Variants in CACNA1C observed in about 807,000 individuals in gnomAD.
CACNA1C encodes the protein calcium voltage-gated channel subunit alpha1 C.
In CACNA1C, 30 loss-of-function variants were observed where a neutral mutation model predicts 229.0. The ratio of observed to expected loss-of-function variants is 0.13; its 90% CI spans 0.10 to 0.18. The LOEUF is 0.18. Ranked by LOEUF, CACNA1C falls within the 10% of genes least tolerant of loss-of-function variation. The pLI is 1.00. For missense variants in CACNA1C, 1,658 were observed against 2,845.0 expected (o/e 0.58, Z 9.49); for synonymous variants, 1,114 against 1,132.5 (o/e 0.98, Z 0.33).
chr12:2,573,723 A>G (rs1257436419), intron 13 of CACNA1C, among the ~76,000 whole-genome samples: 1 of 152,228 alleles, frequency 6.6e-6, no homozygotes. Flanking sequence ...CAAATAATTT[A>G]TTACTGAGAG....
At chr12:2,559,111 A>G (rs1165793163) in intron 11 of CACNA1C, among the ~76,000 whole-genome samples, 1 of 152,242 alleles carries the variant, frequency 6.6e-6, no homozygotes, top group Non-Finnish European at 1.5e-5. Context: ...CTTGACACAG[A>G]TTCAAACAAA....
At chr12:1,972,568 A>G (rs1457349638) in intron 1 of CACNA1C, among the ~76,000 whole-genome samples, 2 of 152,210 alleles carry the variant, frequency 1.3e-5, no homozygotes, top group African/African-American at 4.8e-5. Flanking sequence ...TATTTCACCA[A>G]TGAGGAATCT....
At chr12:2,489,087 G>A (rs2099707849) in intron 6 of CACNA1C, among the ~76,000 whole-genome samples, 1 of 152,014 alleles carries the variant, frequency 6.6e-6, no homozygotes, top group African/African-American at 2.4e-5. Flanking sequence ...CTTTGGAATG[G>A]GTGGTTTAAT....
chr12:2,433,628 G>A (rs2099107752), intron 3 of CACNA1C, among the ~76,000 whole-genome samples: 1 of 152,092 alleles, frequency 6.6e-6, no homozygotes. Flanking sequence ...TGGAGGAGAT[G>A]TGCTCTAACT....
rs2032151901 is a variant in CACNA1C at position 1,971,336 on chromosome 12, C to T, written c.139+135C>T. 2.3e-6 allele frequency: 1 copy of T among 437,376 alleles called. No homozygotes were observed. The allele number at this position is 437,376 out of a possible 1,614,324, so 27.1% of individuals were successfully genotyped here. ...CCATATTTAATCAGGATTTACCACACACCGTTGTAAAATTTTGCCTGTAAC... is the reference window on the plus strand; with the variant it reads ...CCATATTTAATCAGGATTTACCACATACCGTTGTAAAATTTTGCCTGTAAC... On this transcript the variant is annotated intron_variant, in intron 1 of 46. Transcript: ENST00000682462. The surrounding 1 kb of genome is among the most constrained non-coding windows in gnomAD (Gnocchi z 4.2).
chr12:2,509,837 G>A (rs769489969), intron 8 of CACNA1C, among the ~76,000 whole-genome samples: 2 of 152,242 alleles, frequency 1.3e-5, no homozygotes, highest in Non-Finnish European at 2.9e-5. Flanking sequence ...GCGGGAACAT[G>A]TAGAGTTTTT....
chr12:2,548,318 G>C (rs980048482), intron 9 of CACNA1C, among the ~76,000 whole-genome samples: 2 of 152,210 alleles, frequency 1.3e-5, no homozygotes, highest in African/African-American at 2.4e-5. Context: ...GGTGCTCCCA[G>C]AGCCTAGTAG....
In CACNA1C at chr12:2,294,956, T is replaced by TA. The variant is rs1446829114; in HGVS notation, c.478-154020_478-154019insA. ...GCAATGCTGTGCGCACAGTTCTGTG[T>TA]TGTGCCTCTCCCGGGGAAGGGGTGT... On this transcript the variant is annotated intron_variant, in intron 3 of 46. Coordinates refer to ENST00000399655, the MANE Select transcript of CACNA1C (RefSeq NM_000719.7). 1.8e-4 allele frequency among the ~76,000 whole-genome samples: 28 copies of TA among 152,332 alleles called. No individual in the cohort carries two copies. The East Asian group carries it at 3.7e-3, about 20-fold the overall frequency.
At chr12:2,421,507 C>T (rs2098979115) in intron 3 of CACNA1C, among the ~76,000 whole-genome samples, 1 of 152,196 alleles carries the variant, frequency 6.6e-6, no homozygotes, top group Non-Finnish European at 1.5e-5. Context: ...AAGAGGTCAA[C>T]TCAGCCCAAC....
intron 3 of CACNA1C, among the ~76,000 whole-genome samples, chr12:2,218,523 G>A (rs2060567493): frequency 3.3e-5 from 5 of 152,164 alleles, no homozygotes; most frequent in Admixed American, 2.6e-4. Context: ...AGAGGAAGCA[G>A]ATGCATTACC....
Position 2,150,950 on chromosome 12 carries a change from A to G in CACNA1C, c.477+30520A>G, listed in dbSNP as rs530008928. 5.9e-5 allele frequency among the ~76,000 whole-genome samples: 9 copies of G among 152,362 alleles called. No homozygotes were observed. The South Asian group carries it at 1.9e-3, about 32-fold the overall frequency. On this transcript the variant is annotated intron_variant, in intron 3 of 46. Transcript: ENST00000399655. ...CTTCTGGGCAGGTGCCAAGGCCTGT[A>G]GCAGCCTGTGTCTTTGGGTCCTGCA...
rs1226207931 is a variant in CACNA1C at position 2,142,975 on chromosome 12, A to AT, written c.477+22556dup. On this transcript the variant is annotated intron_variant, in intron 3 of 46. Coordinates refer to ENST00000399655, the MANE Select transcript of CACNA1C (RefSeq NM_000719.7). ...TTAATTGAATAAAGAAAATCTTTAA[A>AT]TTTTTTTTTTTGTTTTTTGAGACGG... is the stretch of plus-strand genomic sequence containing the variant. Among the ~76,000 whole-genome samples, 752 of 147,510 alleles carry AT rather than the reference A, an allele frequency of 5.1e-3. 8 individuals carry two copies. The highest frequency in any genetic ancestry group is 0.017 in the African/African-American group (681 of 40,722).
rs1166969767 is a variant in CACNA1C, at chr12:2,152,779, G to A, written c.477+32349G>A. 6.6e-6 allele frequency among the ~76,000 whole-genome samples: 1 copy of A among 152,222 alleles called. No homozygotes were observed. The highest frequency in any genetic ancestry group is 2.4e-5 in the African/African-American group (1 of 41,446). ...AAAAGTCAGGACATGGAACCAGGAG[G>A]TGGAAGTGCCTTGTTTCTCCTCCTC... On this transcript the variant is annotated intron_variant, in intron 3 of 46. Transcript: ENST00000399655. This position sits in a 1 kb window ranked among gnomAD's most constrained non-coding sequence, Gnocchi z 4.2.
rs574057647 is a variant in CACNA1C at position 2,509,849 on chromosome 12, T to A, written c.1218-2963T>A. ...TCAGCGGGAACATGTAGAGTTTTTG[T>A]CATCTGCACATGTCCACAGATGACT... On this transcript the variant is annotated intron_variant, in intron 8 of 46. Transcript: ENST00000399655. Among the ~76,000 whole-genome samples, 237 of 152,336 alleles carry A rather than the reference T, an allele frequency of 1.6e-3. 1 individual carries two copies. Among genetic ancestry groups the A allele is most frequent in the African/African-American group, 5.3e-3 (220 of 41,574 alleles).
chr12:2,685,628 G>A (rs570007084), intron 43 of CACNA1C, 108 bp from the exon 44 acceptor site: 61 of 780,368 alleles, frequency 7.8e-5, no homozygotes, highest in African/African-American at 1.5e-4. Flanking sequence ...CAAAGTGTGC[G>A]TCCCTTCACT....
intron 39 of CACNA1C, 125 bp downstream of exon 39, chr12:2,674,767 C>A: frequency 1.1e-6 from 1 of 906,528 alleles, no homozygotes. Context: ...TTCTTGAGTC[C>A]CCTAGGCTTG....
At chr12:2,255,715 G>T (rs888904543) in intron 3 of CACNA1C, among the ~76,000 whole-genome samples, 3 of 151,906 alleles carry the variant, frequency 2.0e-5, no homozygotes, top group Non-Finnish European at 4.4e-5. Context: ...CCTCCTCATT[G>T]GACAGATAAT....
rs530856815 is a variant in CACNA1C, at chr12:2,422,537, T to C, written c.478-26439T>C. ...TATCTTGGATGCCTTGGGAGGCTCA[T>C]TGAAGTACCATAGGATGGCCATGTT... On this transcript the variant is annotated intron_variant, in intron 3 of 46. Coordinates refer to ENST00000399655, the MANE Select transcript of CACNA1C (RefSeq NM_000719.7). Among the ~76,000 whole-genome samples the C allele has an allele frequency of 1.9e-3, 296 of 152,238 alleles. 1 individual carries two copies. Among genetic ancestry groups the C allele is most frequent in the African/African-American group, 6.9e-3 (288 of 41,552 alleles).
chr12:2,246,994 C>T (rs1182919822), intron 3 of CACNA1C, among the ~76,000 whole-genome samples: 2 of 152,144 alleles, frequency 1.3e-5, no homozygotes, highest in African/African-American at 2.4e-5. Context: ...AATAACTCCC[C>T]GATAGGTAGA....
Sources: gnomAD v4.1 joint callset for allele counts (sites outside exome capture counted in the v4.1 genomes callset) on GRCh38, gnomAD v4.1.1 for gene constraint, Gnocchi (gnomAD v3.1) non-coding constraint, MANE v1.5 for transcripts, NCBI Gene and HGNC (gene_info 2026-07-23, HGNC 2026-07-21) for gene names.